The following NSUN6 variants were observed in gnomAD, a reference collection of about 807,000 sequenced individuals.
The protein encoded by NSUN6 is NOP2/Sun RNA methyltransferase 6.
In NSUN6, 64 loss-of-function variants were observed where a neutral mutation model predicts 58.0. The observed-to-expected ratio is 1.10, with a 90% confidence interval of 0.90 to 1.36. The LOEUF is 1.36. Ranked by LOEUF, NSUN6 falls within the 40% of genes most tolerant of loss-of-function variation. The pLI is 0.00. For synonymous variants in NSUN6, 231 were observed against 193.9 expected (o/e 1.19, Z -1.59); for missense variants, 701 against 550.1 (o/e 1.27, Z -2.74).
At chr10:18,593,471 T>A (rs928436499) in intron 7 of NSUN6, among the ~76,000 whole-genome samples, 6 of 152,114 alleles carry the variant, frequency 3.9e-5, no homozygotes, top group African/African-American at 1.4e-4. Context: ...TGCCCATCAA[T>A]GACAGACTGG....
chr10:18,580,447 G>C (rs2056853877), intron 8 of NSUN6, among the ~76,000 whole-genome samples: 1 of 152,160 alleles, frequency 6.6e-6, no homozygotes, highest in African/African-American at 2.4e-5. Flanking sequence ...TTGTCAGCTT[G>C]TTTCATGTGC....
At chr10:18,653,341 G>A, upstream of NSUN6, 1 of 981,696 alleles carries the variant, frequency 1.0e-6, no homozygotes, top group Non-Finnish European at 1.2e-6. Flanking sequence ...TACTTCACTA[G>A]TGCCACACAC....
At position 18,631,700 on chromosome 10, in the gene NSUN6, A is replaced by C. The variant is rs549250807; in HGVS notation, c.311+10776T>G. 8.5e-3 allele frequency among the ~76,000 whole-genome samples: 1,266 copies of C among 148,958 alleles called. 18 individuals are homozygous for C. Among genetic ancestry groups the C allele is most frequent in the African/African-American group, 0.03 (1,197 of 40,154 alleles). On this transcript the variant is annotated intron_variant, in intron 3 of 10. Transcript: ENST00000377304. ...TGCCTAGGAATCCAACTTACAAGGGATGTGAAGGACCTCTTCAAGGAGAAC... is the reference window on the plus strand; with the variant it reads ...TGCCTAGGAATCCAACTTACAAGGGCTGTGAAGGACCTCTTCAAGGAGAAC...
chr10:18,644,465 T>A (rs1169655169), intron 2 of NSUN6, among the ~76,000 whole-genome samples: 1 of 151,338 alleles, frequency 6.6e-6, no homozygotes, highest in Non-Finnish European at 1.5e-5. Context: ...TTAGTTACCC[T>A]GAACACATTA....
chr10:18,563,469 G>A (rs772742477), intron 8 of NSUN6, among the ~76,000 whole-genome samples: 74 of 150,846 alleles, frequency 4.9e-4, no homozygotes, highest in Non-Finnish European at 7.6e-4. Flanking sequence ...AATGGAGAAC[G>A]GTATGGAATG....
intron 8 of NSUN6, among the ~76,000 whole-genome samples, chr10:18,572,329 T>TTACATTCTCCATTCCAC (rs2056413263): frequency 6.6e-6 from 1 of 151,610 alleles, no homozygotes; most frequent in African/African-American, 2.4e-5. Flanking sequence ...CTCCATTCCA[T>TTACATTCTCCATTCCAC]TCCATTCTCC....
chr10:18,635,546 G>C (rs1016253299), intron 3 of NSUN6, among the ~76,000 whole-genome samples: 1 of 152,100 alleles, frequency 6.6e-6, no homozygotes, highest in Admixed American at 6.6e-5. Context: ...CAAAAGCTAA[G>C]AGGAAATAGG....
At chr10:18,554,074 GC>G (rs1589825714) in intron 8 of NSUN6, among the ~76,000 whole-genome samples, 1 of 151,546 alleles carries the variant, frequency 6.6e-6, no homozygotes, top group East Asian at 2.0e-4. Context: ...AGAATAGAAT[GC>G]AATGGAATGG....
rs765888335 is a variant in NSUN6 at position 18,548,102 on chromosome 10, T to A, written c.1197+10A>T. On this transcript the variant is annotated intron_variant, in intron 10 of 10. Coordinates refer to ENST00000377304, the MANE Select transcript of NSUN6 (RefSeq NM_182543.5). ...TCTTATTACACAGAGAAAAATGAAATTACTCCTACCTGGGGCTGAAGCTGA... is the reference window on the plus strand; with the variant it reads ...TCTTATTACACAGAGAAAAATGAAAATACTCCTACCTGGGGCTGAAGCTGA... The A allele has an allele frequency of 3.7e-5, 60 of 1,612,908 alleles. No individual in the cohort carries two copies. Among genetic ancestry groups the A allele is most frequent in the Non-Finnish European group, 4.8e-5 (57 of 1,179,502 alleles).
chr10:18,625,724 A>ATTT lies in NSUN6; in HGVS notation c.312-9432_312-9431insAAA, dbSNP rs1564819274. On this transcript the variant is annotated intron_variant, in intron 3 of 10. Transcript: ENST00000377304. ...TGAGACTATGTGTTTTTTTTTTAAA[A>ATTT]AAAAAAAAAAAAAAAAAAAAAAAAG... 2.1e-3 allele frequency among the ~76,000 whole-genome samples: 275 copies of ATTT among 134,080 alleles called. 3 individuals are homozygous for ATTT. Among genetic ancestry groups the ATTT allele is most frequent in the South Asian group, 0.012 (50 of 4,344 alleles). The allele number at this position is 134,080 out of a possible 152,430, so 88.0% of individuals were successfully genotyped here. A position where few individuals can be genotyped will look rare whatever the true frequency, so the allele number is the denominator to read the frequency against.
chr10:18,623,800 A>G (rs1172282432), intron 3 of NSUN6, among the ~76,000 whole-genome samples: 1 of 152,198 alleles, frequency 6.6e-6, no homozygotes, highest in East Asian at 1.9e-4. Context: ...CACCCTCTGG[A>G]AAAAAGGTAT....
chr10:18,595,660 C>T (rs2057556235), intron 7 of NSUN6, among the ~76,000 whole-genome samples: 1 of 152,140 alleles, frequency 6.6e-6, no homozygotes, highest in African/African-American at 2.4e-5. Flanking sequence ...TTACATTCCT[C>T]AAAATGTAAA....
At chr10:18,555,784 AGAATGGAATGGAAAGGAGGATG>A (rs2054959233) in intron 8 of NSUN6, among the ~76,000 whole-genome samples, 2 of 150,948 alleles carry the variant, frequency 1.3e-5, no homozygotes, top group Admixed American at 6.6e-5. Flanking sequence ...AATGGAATGG[AGAATGGAATGGAAAGGAGGATG>A]GAATGGAATG....
intron 8 of NSUN6, among the ~76,000 whole-genome samples, chr10:18,558,392 T>C (rs1167067993): frequency 7.0e-6 from 1 of 143,724 alleles, no homozygotes; most frequent in African/African-American, 2.6e-5. Context: ...TGGAATGCAG[T>C]GGTGAATAGA....
intron 3 of NSUN6, among the ~76,000 whole-genome samples, chr10:18,629,152 C>G (rs1365204864): frequency 1.3e-5 from 2 of 152,096 alleles, no homozygotes; most frequent in Admixed American, 6.5e-5. Flanking sequence ...TCCACCCAAA[C>G]TAAGCTTCAT....
chr10:18,581,951 T>G (rs2056922119), intron 8 of NSUN6, among the ~76,000 whole-genome samples: 1 of 152,206 alleles, frequency 6.6e-6, no homozygotes, highest in Non-Finnish European at 1.5e-5. Context: ...GAATTCTTTC[T>G]TGCAGGAGAT....
At chr10:18,615,204 G>A (rs530887481) in intron 4 of NSUN6, among the ~76,000 whole-genome samples, 3 of 151,792 alleles carry the variant, frequency 2.0e-5, no homozygotes, top group Admixed American at 6.6e-5. Context: ...AGTGTACAGA[G>A]TTGCTTTATA....
intron 8 of NSUN6, among the ~76,000 whole-genome samples, chr10:18,568,641 T>A (rs530072020): frequency 6.6e-6 from 1 of 150,578 alleles, no homozygotes; most frequent in Admixed American, 6.6e-5. Context: ...CATTCCATTC[T>A]CTTTTCCATT....
upstream of NSUN6, chr10:18,654,727 A>G (rs147451061): frequency 1.2e-4 from 19 of 152,294 alleles, no homozygotes; most frequent in African/African-American, 4.3e-4. Flanking sequence ...TAAAAATGCA[A>G]AAATTAGCCT....
Sources: allele counts gnomAD v4.1 joint callset (sites outside exome capture counted in the v4.1 genomes callset), GRCh38; gene constraint gnomAD v4.1.1; transcripts MANE v1.5; gene names NCBI Gene and HGNC (gene_info 2026-07-23, HGNC 2026-07-21).